The following GALNTL5 variants were observed in gnomAD, a reference collection of about 807,000 sequenced individuals.
GALNTL5 encodes the protein inactive polypeptide N-acetylgalactosaminyltransferase-like protein 5.
GALNTL5 carries 44 observed loss-of-function variants against 51.0 expected under a neutral mutation model. That is an observed-to-expected ratio of 0.86 (90% CI 0.68 to 1.11). The LOEUF (loss-of-function observed/expected upper bound fraction) is 1.11. Ranked by LOEUF, GALNTL5 falls within the 50% of genes least tolerant of loss-of-function variation. The pLI is 0.00. For synonymous variants in GALNTL5, 192 were observed against 182.8 expected (o/e 1.05, Z -0.41); for missense variants, 528 against 531.8 (o/e 0.99, Z 0.07).
rs755106841 is a variant in GALNTL5, at chr7:152,002,761, T to C, written c.706T>C (p.Trp236Arg). The change falls in exon 6 of 9, where the codon TGG becomes CGG. Residue 236 changes from tryptophan (W) to arginine (R), a missense_variant. Coordinates refer to ENST00000392800, the MANE Select transcript of GALNTL5 (RefSeq NM_145292.4). Reference protein sequence around the residue: ...LDSHCEVNRVWLEPLLHAIAK... With the variant: ...LDSHCEVNRVRLEPLLHAIAK... Reference sequence around the variant, plus strand: ...CAGCCACTGTGAGGTGAACAGAGTATGGCTGGAGCCCCTGCTGCATGCCAT... The same window carrying C: ...CAGCCACTGTGAGGTGAACAGAGTACGGCTGGAGCCCCTGCTGCATGCCAT... 1.9e-5 allele frequency: 31 copies of C among 1,614,046 alleles called. 1 individual carries two copies. The Admixed American group carries it at 5.0e-4, about 26-fold the overall frequency.
intron 4 of GALNTL5, among the ~76,000 whole-genome samples, chr7:151,984,967 C>G (rs1453958896): frequency 6.6e-6 from 1 of 152,168 alleles, no homozygotes; most frequent in Non-Finnish European, 1.5e-5. Context: ...AACAAAATGC[C>G]ACAAACTGGG....
chr7:152,014,489 A>G (rs1286280038), intron 7 of GALNTL5, among the ~76,000 whole-genome samples, 155 bp from the exon 8 acceptor site: 1 of 152,180 alleles, frequency 6.6e-6, no homozygotes, highest in Non-Finnish European at 1.5e-5. Flanking sequence ...GCTGGTCTCA[A>G]ACTCCCTTCC....
intron 1 of GALNTL5, among the ~76,000 whole-genome samples, chr7:151,964,586 C>T (rs1267981427): frequency 1.3e-5 from 2 of 152,134 alleles, no homozygotes; most frequent in East Asian, 1.9e-4. Flanking sequence ...GATTGTGAGG[C>T]CTCCCCAGCC....
At chr7:151,965,610 G>A (rs1007289984) in intron 1 of GALNTL5, among the ~76,000 whole-genome samples, 8 of 152,160 alleles carry the variant, frequency 5.3e-5, no homozygotes, top group African/African-American at 1.9e-4. Flanking sequence ...TGGACATGGT[G>A]GCTCACACCT....
At chr7:151,970,815 T>A in intron 2 of GALNTL5, 130 bp from the exon 3 acceptor site, 1 of 684,622 alleles carries the variant, frequency 1.5e-6, no homozygotes, top group Non-Finnish European at 2.4e-6. Context: ...TGACCATTTT[T>A]GCACAGATCG....
intron 6 of GALNTL5, 57 bp downstream of exon 6, chr7:152,003,020 G>GA (rs1333671514): frequency 7.5e-6 from 11 of 1,462,162 alleles, no homozygotes; most frequent in South Asian, 2.5e-5. Flanking sequence ...GACCCAGGGG[G>GA]AAAAAGCCTC....
chr7:151,981,507 G>A (rs1463443356), intron 3 of GALNTL5, among the ~76,000 whole-genome samples: 1 of 151,968 alleles, frequency 6.6e-6, no homozygotes, highest in Non-Finnish European at 1.5e-5. Context: ...TCTAGGTCCT[G>A]TGAGACATTT....
intron 2 of GALNTL5, chr7:151,970,661 C>T (rs1047491135): frequency 3.0e-5 from 7 of 231,252 alleles, no homozygotes; most frequent in Non-Finnish European, 6.0e-5. Flanking sequence ...CCTGAGGCCC[C>T]CACCAGGAGC....
At chr7:151,987,329 C>A (rs756473164) in intron 5 of GALNTL5, 48 bp downstream of exon 5, 33 of 1,514,754 alleles carry the variant, frequency 2.2e-5, no homozygotes, top group Non-Finnish European at 2.7e-5. Flanking sequence ...TCACAGAGAT[C>A]TTCCCTTCTG....
At chr7:151,991,703 G>C (rs533158783) in intron 5 of GALNTL5, among the ~76,000 whole-genome samples, 1 of 152,200 alleles carries the variant, frequency 6.6e-6, no homozygotes, top group South Asian at 2.1e-4. Flanking sequence ...GATTAGTACA[G>C]CTTGATAAGA....
intron 4 of GALNTL5, chr7:151,986,123 A>C (rs1299292538): frequency 3.3e-5 from 5 of 152,134 alleles, no homozygotes; most frequent in African/African-American, 4.8e-5. Flanking sequence ...CTTCTTCCTC[A>C]TACCAGAGTA....
rs1438628622 is a variant in GALNTL5 at position 151,967,437 on chromosome 7, C to G, written c.191C>G (p.Pro64Arg). The change falls in exon 2 of 9, where the codon CCA becomes CGA. Residue 64 changes from proline (P) to arginine (R), a missense_variant. Coordinates refer to ENST00000392800, the MANE Select transcript of GALNTL5 (RefSeq NM_145292.4). ...QQIIYGSEQI[P>R]KPHVIVKRTD... is the part of the protein sequence containing the mutation. ...ATTATCTATGGCTCAGAGCAAATAC[C>G]AAAACCTCATGTAATAGTCAAAAGG... The G allele has an allele frequency of 1.9e-6, 3 of 1,613,752 alleles. No homozygotes were observed. The African/African-American group carries it at 4.0e-5, about 22-fold the overall frequency.
chr7:151,959,285 T>C (rs531093845), intron 1 of GALNTL5, among the ~76,000 whole-genome samples: 1 of 152,144 alleles, frequency 6.6e-6, no homozygotes, highest in East Asian at 1.9e-4. Flanking sequence ...AAAGTTGACA[T>C]GGAAGTTAAC....
At chr7:151,956,639 G>A (rs562188007) in intron 1 of GALNTL5, 30 bp downstream of exon 1, 59 of 152,300 alleles carry the variant, frequency 3.9e-4, no homozygotes, top group African/African-American at 1.3e-3. Context: ...TGTGCTAGAA[G>A]TGGGAACAAA....
chr7:152,007,689 A>ATC, intron 6 of GALNTL5, 138 bp from the exon 7 acceptor site: 2 of 657,830 alleles, frequency 3.0e-6, no homozygotes, highest in South Asian at 3.3e-5. Flanking sequence ...AAGTGCTGGG[A>ATC]TTACAGGCAT....
At chr7:152,003,662 G>A (rs1418564198) in intron 6 of GALNTL5, among the ~76,000 whole-genome samples, 1 of 152,156 alleles carries the variant, frequency 6.6e-6, no homozygotes, top group East Asian at 1.9e-4. Context: ...GTACTTTATT[G>A]TAATAAAATG....
chr7:151,995,347 A>ATTTTTTTTTTTTTTTTTTT (rs1563017632), intron 5 of GALNTL5: 4 of 90,980 alleles, frequency 4.4e-5, no homozygotes, highest in Admixed American at 1.3e-4. Context: ...AGTTGGTATG[A>ATTTTTTTTTTTTTTTTTTT]ATTTTTTTTT....
chr7:151,997,294 G>A (rs1446879595), intron 5 of GALNTL5, among the ~76,000 whole-genome samples: 2 of 152,184 alleles, frequency 1.3e-5, no homozygotes, highest in Non-Finnish European at 2.9e-5. Context: ...TCTAGCACAT[G>A]AATGATAGGC....
At chr7:152,006,113 A>G (rs544760846) in intron 6 of GALNTL5, among the ~76,000 whole-genome samples, 2 of 151,912 alleles carry the variant, frequency 1.3e-5, no homozygotes, top group South Asian at 2.1e-4. Context: ...GAGAAGGACC[A>G]GGAAATCTGG....
Sources: allele counts gnomAD v4.1 joint callset (sites outside exome capture counted in the v4.1 genomes callset), GRCh38; gene constraint gnomAD v4.1.1; transcripts MANE v1.5; gene names NCBI Gene and HGNC (gene_info 2026-07-23, HGNC 2026-07-21).